ROBO1: variants seen among roughly 807,000 people sequenced by gnomAD.
The protein encoded by ROBO1 is roundabout guidance receptor 1.
In ROBO1, 149 loss-of-function variants were observed where a neutral mutation model predicts 195.9. The observed-to-expected ratio is 0.76, with a 90% CI of 0.67 to 0.87. The LOEUF (loss-of-function observed/expected upper bound fraction) is 0.87, where lower values mean the gene tolerates loss of function less well. Ranked by LOEUF, ROBO1 falls within the 40% of genes least tolerant of loss-of-function variation. ROBO1 has a pLI of 0.00. For synonymous variants in ROBO1, 816 were observed against 733.2 expected (o/e 1.11, Z -1.82); for missense variants, 1,933 against 2,068.3 (o/e 0.93, Z 1.27).
chr3:79,648,540 AT>A (rs985873836), intron 1 of ROBO1, among the ~76,000 whole-genome samples: 12 of 152,052 alleles, frequency 7.9e-5, no homozygotes, highest in Non-Finnish European at 1.6e-4. Flanking sequence ...TTTTCTAGAC[AT>A]TGTATTTTCA....
At chr3:79,627,634 A>AG (rs71127402) in intron 1 of ROBO1, among the ~76,000 whole-genome samples, 132,260 of 152,180 alleles carry the variant, frequency 0.87, 57,530 homozygotes, top group East Asian at 0.9. Context: ...AGACAATAAA[A>AG]CCAAAATTAA....
chr3:79,503,089 GCAATAAAT>G (rs1189170074), intron 2 of ROBO1, among the ~76,000 whole-genome samples: 8 of 152,220 alleles, frequency 5.3e-5, no homozygotes, highest in African/African-American at 1.9e-4. Flanking sequence ...TTAGCTCTTT[GCAATAAAT>G]CTCGCTGCTG....
At chr3:79,016,181 G>A (rs1006862011) in intron 3 of ROBO1, among the ~76,000 whole-genome samples, 2 of 152,144 alleles carry the variant, frequency 1.3e-5, no homozygotes, top group African/African-American at 4.8e-5. Context: ...TATTCAAATC[G>A]ATAGTGTTGC....
intron 2 of ROBO1, among the ~76,000 whole-genome samples, chr3:79,462,412 T>C (rs1170603812): frequency 6.6e-6 from 1 of 152,248 alleles, no homozygotes; most frequent in African/African-American, 2.4e-5. Context: ...TTTATTTTGT[T>C]CTATTACTTG....
At chr3:78,884,401 C>T (rs914996713) in intron 4 of ROBO1, among the ~76,000 whole-genome samples, 5 of 151,884 alleles carry the variant, frequency 3.3e-5, no homozygotes, top group African/African-American at 1.2e-4. Flanking sequence ...TGTTTGAGCT[C>T]AAGAGTTCAA....
At chr3:78,802,078 T>C (rs980146381) in intron 4 of ROBO1, among the ~76,000 whole-genome samples, 1 of 152,152 alleles carries the variant, frequency 6.6e-6, no homozygotes, top group African/African-American at 2.4e-5. Context: ...TTTCCATTAC[T>C]ATGCAATTAA....
chr3:79,019,272 G>A lies in ROBO1; in HGVS notation c.173-80345C>T, dbSNP rs1468285811. 4 of 985,874 alleles carry A rather than the reference G, an allele frequency of 4.1e-6. No homozygotes were observed. The East Asian group carries it at 4.6e-4, about 112-fold the overall frequency. 61.1% of individuals were successfully genotyped at this position (985,874 alleles called of 1,614,324 possible). A position where few individuals can be genotyped will look rare whatever the true frequency, so the allele number is the denominator to read the frequency against. On this transcript the variant is annotated intron_variant, in intron 3 of 30. Coordinates refer to ENST00000464233, the MANE Select transcript of ROBO1 (RefSeq NM_002941.4). ...CAGAAGCCCAAACTTCCTGGGGGCA[G>A]CTGCCTGCACCCCTGGCTCGTGGAA...
At chr3:79,068,030 A>G (rs1229646199) in intron 3 of ROBO1, among the ~76,000 whole-genome samples, 2 of 151,934 alleles carry the variant, frequency 1.3e-5, no homozygotes, top group African/African-American at 4.8e-5. Context: ...AAAAGAGAGC[A>G]TGTGTGAATG....
At chr3:78,854,884 A>G (rs2034314927) in intron 4 of ROBO1, among the ~76,000 whole-genome samples, 1 of 152,194 alleles carries the variant, frequency 6.6e-6, no homozygotes, top group African/African-American at 2.4e-5. Flanking sequence ...AGGACAAACA[A>G]GAGTTTTCCA....
At chr3:78,876,676 G>C (rs1334281762) in intron 4 of ROBO1, among the ~76,000 whole-genome samples, 1 of 152,182 alleles carries the variant, frequency 6.6e-6, no homozygotes, top group Non-Finnish European at 1.5e-5. Context: ...TAATACAGCT[G>C]TCCGATGACA....
At chr3:79,720,735 GA>G (rs201403307) in intron 1 of ROBO1, among the ~76,000 whole-genome samples, 4,213 of 151,896 alleles carry the variant, frequency 0.028, 95 homozygotes, top group South Asian at 0.059. Context: ...TAAAGTCACA[GA>G]TCCTGCCATA....
intron 3 of ROBO1, among the ~76,000 whole-genome samples, chr3:79,082,664 C>T (rs913788588): frequency 6.6e-6 from 1 of 152,116 alleles, no homozygotes; most frequent in Non-Finnish European, 1.5e-5. Flanking sequence ...GGGGAGAAAT[C>T]CCAGTTAGTT....
chr3:79,426,377 G>T (rs556884221), intron 2 of ROBO1, among the ~76,000 whole-genome samples: 173 of 151,864 alleles, frequency 1.1e-3, no homozygotes, highest in African/African-American at 4.1e-3. Flanking sequence ...GTTGTTGTTT[G>T]TTTGTTTGTT....
Position 79,122,999 on chromosome 3 carries a change from A to G in ROBO1, c.172+2457T>C, listed in dbSNP as rs546872902. On this transcript the variant is annotated intron_variant, in intron 3 of 30. Coordinates refer to ENST00000464233, the MANE Select transcript of ROBO1 (RefSeq NM_002941.4). ...GTCCATTTTGAGATATTGTGTAAATATAGATGCCACAAACAATACCTAATA... is the reference window on the plus strand; with the variant it reads ...GTCCATTTTGAGATATTGTGTAAATGTAGATGCCACAAACAATACCTAATA... Among the ~76,000 whole-genome samples, 78 of 152,186 alleles carry G rather than the reference A, an allele frequency of 5.1e-4. 1 individual carries two copies. Among genetic ancestry groups the G allele is most frequent in the African/African-American group, 1.8e-3 (74 of 41,588 alleles).
At chr3:79,449,450 A>AG in intron 2 of ROBO1, among the ~76,000 whole-genome samples, 1 of 151,242 alleles carries the variant, frequency 6.6e-6, no homozygotes, top group Non-Finnish European at 1.5e-5. Flanking sequence ...CAGGAACAGG[A>AG]GCTTATTAAA....
At chr3:78,695,635 AAAAAAAAAG>A (rs1425175991) in intron 8 of ROBO1, among the ~76,000 whole-genome samples, 2 of 150,668 alleles carry the variant, frequency 1.3e-5, no homozygotes, top group African/African-American at 2.4e-5. Context: ...CAAAAAAAAA[AAAAAAAAAG>A]AAAAGAAAAC....
At chr3:79,295,945 AT>A (rs770446794) in intron 2 of ROBO1, among the ~76,000 whole-genome samples, 3 of 152,206 alleles carry the variant, frequency 2.0e-5, no homozygotes, top group Non-Finnish European at 4.4e-5. Flanking sequence ...AACATTTCAT[AT>A]GTATAAATAT....
chr3:78,783,338 A>G (rs979373575), intron 4 of ROBO1, among the ~76,000 whole-genome samples: 1 of 152,194 alleles, frequency 6.6e-6, no homozygotes, highest in Admixed American at 6.5e-5. Flanking sequence ...TTACAAAGAA[A>G]ACCAAAGCAA....
At chr3:79,051,164 GA>G (rs1576614528) in intron 3 of ROBO1, among the ~76,000 whole-genome samples, 1 of 151,864 alleles carries the variant, frequency 6.6e-6, no homozygotes, top group East Asian at 1.9e-4. Context: ...CCAATAGCAA[GA>G]CTAATAAAGA....
Sources: gnomAD v4.1 joint callset for allele counts (sites outside exome capture counted in the v4.1 genomes callset) on GRCh38, gnomAD v4.1.1 for gene constraint, MANE v1.5 for transcripts, NCBI Gene and HGNC (gene_info 2026-07-23, HGNC 2026-07-21) for gene names.